Variants in RIMS1 observed in about 807,000 individuals in gnomAD.
RIMS1 encodes the protein regulating synaptic membrane exocytosis protein 1.
RIMS1 carries 83 observed loss-of-function variants against 214.1 expected under a neutral mutation model. That is an observed-to-expected ratio of 0.39 (90% CI 0.32 to 0.47). The LOEUF (loss-of-function observed/expected upper bound fraction) is 0.47, where lower values mean the gene tolerates loss of function less well. Among genes scored for constraint, RIMS1 ranks in the 20% least tolerant of loss-of-function variants. The pLI is 0.99. For missense variants in RIMS1, 2,050 were observed against 2,161.8 expected, an observed-to-expected ratio of 0.95 and a Z score of 1.03; for synonymous variants, 793 against 786.8, an observed-to-expected ratio of 1.01 and a Z score of -0.13.
chr6:71,956,698 A>G (rs1791397288), intron 1 of RIMS1, among the ~76,000 whole-genome samples: 1 of 152,174 alleles, frequency 6.6e-6, no homozygotes, highest in African/African-American at 2.4e-5. Context: ...AGTTCATGGA[A>G]AGCTCTTTTA....
intron 8 of RIMS1, 100 bp downstream of exon 8, chr6:72,235,828 T>TCA: frequency 2.0e-6 from 1 of 501,326 alleles, no homozygotes; most frequent in Non-Finnish European, 3.4e-6. Context: ...CATTTAAATA[T>TCA]TTTATATAAT....
chr6:72,256,031 A>C, intron 16 of RIMS1, among the ~76,000 whole-genome samples: 1 of 151,884 alleles, frequency 6.6e-6, no homozygotes, highest in Non-Finnish European at 1.5e-5. Context: ...TCTGAAAAAA[A>C]AAAAAAAAAA....
intron 26 of RIMS1, among the ~76,000 whole-genome samples, chr6:72,303,030 A>T (rs1046984802): frequency 1.3e-5 from 2 of 150,912 alleles, no homozygotes; most frequent in African/African-American, 4.8e-5. Flanking sequence ...TGAGATCCAA[A>T]CAAATTTATT....
chr6:72,276,929 G>A (rs961638142), intron 23 of RIMS1, among the ~76,000 whole-genome samples: 8 of 152,286 alleles, frequency 5.3e-5, no homozygotes, highest in Non-Finnish European at 1.0e-4. Context: ...ATGTTCATAA[G>A]AATTTCAGCG....
intron 4 of RIMS1, among the ~76,000 whole-genome samples, chr6:72,170,212 GT>G (rs869229125): frequency 1.3e-5 from 1 of 77,100 alleles, no homozygotes; most frequent in Non-Finnish European, 2.5e-5. Context: ...TCTCAATGAA[GT>G]TTTTTTGACT....
chr6:72,324,079 G>GAT (rs1168474706), intron 28 of RIMS1, among the ~76,000 whole-genome samples: 4 of 148,546 alleles, frequency 2.7e-5, no homozygotes, highest in Admixed American at 1.3e-4. Context: ...TAGATAGATA[G>GAT]AGAACAAAGA....
intron 2 of RIMS1, among the ~76,000 whole-genome samples, chr6:72,091,673 T>A (rs1050393737): frequency 6.6e-6 from 1 of 152,228 alleles, no homozygotes; most frequent in Admixed American, 6.5e-5. Context: ...ATTAAAATAA[T>A]GCAACAATTA....
intron 25 of RIMS1, 36 bp downstream of exon 25, chr6:72,290,897 T>A (rs1479960933): frequency 2.5e-6 from 4 of 1,597,112 alleles, no homozygotes; most frequent in Non-Finnish European, 8.6e-7. Context: ...ATTCATGTCC[T>A]GCCTCCGGGT....
At chr6:72,311,737 G>C (rs529995402) in intron 27 of RIMS1, among the ~76,000 whole-genome samples, 1 of 152,112 alleles carries the variant, frequency 6.6e-6, no homozygotes, top group Non-Finnish European at 1.5e-5. Flanking sequence ...TAGGGAGGCC[G>C]AGGTGGGTGG....
chr6:71,906,851 A>T (rs144948773), intron 1 of RIMS1, among the ~76,000 whole-genome samples: 1 of 152,320 alleles, frequency 6.6e-6, no homozygotes, highest in Admixed American at 6.5e-5. Context: ...TGTGGGCAAC[A>T]TTAACAACTT....
Position 72,102,396 on chromosome 6 carries a change from T to C in RIMS1, c.471+2410T>C, listed in dbSNP as rs1160861633. On this transcript the variant is annotated intron_variant, in intron 4 of 33. Coordinates refer to ENST00000521978, the MANE Select transcript of RIMS1 (RefSeq NM_014989.7). ...AAAACAGAACCTTACTATTTTCTTA[T>C]TCTTTCAACATATGAAAGCTGCACA... is the stretch of plus-strand genomic sequence containing the variant. 4.6e-5 allele frequency among the ~76,000 whole-genome samples: 7 copies of C among 152,124 alleles called. No homozygotes were observed. The East Asian group carries it at 1.3e-3, about 29-fold the overall frequency.
At chr6:72,082,435 C>T (rs374660842) in intron 2 of RIMS1, among the ~76,000 whole-genome samples, 14 of 152,108 alleles carry the variant, frequency 9.2e-5, no homozygotes, top group Non-Finnish European at 1.8e-4. Context: ...GCATTATTAT[C>T]CTCCTTTTAC....
chr6:72,125,844 A>G (rs1387294907), intron 4 of RIMS1, among the ~76,000 whole-genome samples: 1 of 152,156 alleles, frequency 6.6e-6, no homozygotes, highest in African/African-American at 2.4e-5. Context: ...ACCGTTGGAA[A>G]AGTGCAGTAT....
At chr6:72,117,483 T>C (rs945087471) in intron 4 of RIMS1, among the ~76,000 whole-genome samples, 4 of 151,954 alleles carry the variant, frequency 2.6e-5, no homozygotes, top group African/African-American at 9.7e-5. Flanking sequence ...AGCCTCTCAC[T>C]ATTATGGTTC....
Position 72,260,770 on chromosome 6 carries a change from A to G in RIMS1, c.3116+3A>G, listed in dbSNP as rs1400563675. 8.7e-6 allele frequency: 14 copies of G among 1,611,846 alleles called. 1 individual carries two copies. The Admixed American group carries it at 2.2e-4, about 25-fold the overall frequency. ...GCAGAATGCCTACATACTACCAGGT[A>G]AATACAGGGATTTGGTAATGGTGAC... On this transcript the variant is annotated splice_donor_region_variant and intron_variant, in intron 19 of 33. Coordinates refer to ENST00000521978, the MANE Select transcript of RIMS1 (RefSeq NM_014989.7).
chr6:72,005,367 T>G (rs1807091909), intron 2 of RIMS1, among the ~76,000 whole-genome samples: 1 of 152,192 alleles, frequency 6.6e-6, no homozygotes, highest in Non-Finnish European at 1.5e-5. Context: ...CTTTTTTGGT[T>G]CCATATGAAC....
At chr6:72,077,756 G>A (rs763198420) in intron 2 of RIMS1, among the ~76,000 whole-genome samples, 6 of 152,196 alleles carry the variant, frequency 3.9e-5, no homozygotes, top group Non-Finnish European at 7.3e-5. Context: ...TTACAGATGA[G>A]GGAAATAAAG....
chr6:72,009,026 T>C (rs1809115350), intron 2 of RIMS1, among the ~76,000 whole-genome samples: 1 of 152,216 alleles, frequency 6.6e-6, no homozygotes, highest in Non-Finnish European at 1.5e-5. Flanking sequence ...TATACATTCT[T>C]CTCAGCACCA....
At chr6:72,333,577 A>ATTTTTTTTT (rs1353885410) in intron 28 of RIMS1, 23 bp from the exon 29 acceptor site, 1 of 1,513,858 alleles carries the variant, frequency 6.6e-7, no homozygotes, top group Non-Finnish European at 9.0e-7. Context: ...GGATGCATAT[A>ATTTTTTTTT]TGTTTTTACT....
Sources: gnomAD v4.1 joint callset for allele counts (sites outside exome capture counted in the v4.1 genomes callset) on GRCh38, gnomAD v4.1.1 for gene constraint, MANE v1.5 for transcripts, NCBI Gene and HGNC (gene_info 2026-07-23, HGNC 2026-07-21) for gene names.